The following GJA5 variants were observed in gnomAD, a reference collection of about 807,000 sequenced individuals.
GJA5 encodes the protein gap junction protein alpha 5.
In GJA5, 3 loss-of-function variants were observed where a neutral mutation model predicts 7.9. That is an observed-to-expected ratio of 0.38 (90% CI 0.17 to 0.99). GJA5 has a LOEUF of 0.99. Among genes scored for constraint, GJA5 ranks in the 50% least tolerant of loss-of-function variants. The pLI is 0.38. For missense variants in GJA5, 390 were observed against 457.9 expected (o/e 0.85, Z 1.35); for synonymous variants, 193 against 181.0 (o/e 1.07, Z -0.53).
rs990596368 is a variant in GJA5, at chr1:147,757,926, C to A, written c.*236G>T. On this transcript the variant is annotated 3_prime_UTR_variant, in exon 2 of 2. Coordinates refer to ENST00000579774, the MANE Select transcript of GJA5 (RefSeq NM_181703.4). ...GTTTCATGAGTAATCTGAAAGGCTT[C>A]GTATACTGGGTAGAGGGTGGGGAGG... The A allele has an allele frequency of 3.5e-6, 2 of 565,918 alleles. No homozygotes were observed. Among genetic ancestry groups the A allele is most frequent in the Non-Finnish European group, 6.3e-6 (2 of 316,764 alleles). The allele number at this position is 565,918 out of a possible 1,614,324, so 35.1% of individuals were successfully genotyped here.
rs1282767556 is a variant in GJA5 at position 147,757,055 on chromosome 1, CAGTCAGCAAAGGA to C, written c.*1094_*1106del. ...ACACCTCCTCTTGGCACTAAGTTGGCAGTCAGCAAAGGAAGTAAATAGGAGGGGAAAATAGTTT... is the reference window on the plus strand; with the variant it reads ...ACACCTCCTCTTGGCACTAAGTTGGCAGTAAATAGGAGGGGAAAATAGTTT... On this transcript the variant is annotated 3_prime_UTR_variant, in exon 2 of 2. Coordinates refer to ENST00000579774, the MANE Select transcript of GJA5 (RefSeq NM_181703.4). 1 of 152,208 alleles carries C rather than the reference CAGTCAGCAAAGGA, an allele frequency of 6.6e-6. No homozygotes were observed. The highest frequency in any genetic ancestry group is 1.5e-5 in the Non-Finnish European group (1 of 68,046). The allele number at this position is 152,208 out of a possible 1,614,324, so 9.4% of individuals were successfully genotyped here. A position where few individuals can be genotyped will look rare whatever the true frequency, so the allele number is the denominator to read the frequency against.
In GJA5 at chr1:147,758,460, C is replaced by T; in HGVS notation, c.779G>A (p.Ser260Asn). Residue 260 changes from serine (S) to asparagine (N), a missense_variant, in exon 2 of 2, where the codon AGC (serine) becomes AAC (asparagine). Ser to Asn is a conservative substitution (Grantham distance 46). This residue lies in a region of GJA5 where 354 missense variants were observed against 370.9 expected (regional missense o/e 0.95). Coordinates refer to ENST00000579774, the MANE Select transcript of GJA5 (RefSeq NM_181703.4). ...ATTAAAGTCGGGGGGTGGTGTGCAG[C>T]TCTGGACTATGCCCACAGAGGGGCC... ...LSGPSVGIVQ[S>N]CTPPPDFNQC... The T allele has an allele frequency of 6.2e-7, 1 of 1,614,218 alleles. No homozygotes were observed. The highest frequency in any genetic ancestry group is 2.2e-5 in the East Asian group (1 of 44,874).
At position 147,769,613 on chromosome 1, in the gene GJA5, G is replaced by C. The variant is rs368458007; in HGVS notation, c.-34+3639C>G. Among the ~76,000 whole-genome samples, 13 of 152,248 alleles carry C rather than the reference G, an allele frequency of 8.5e-5. No individual in the cohort carries two copies. The South Asian group carries it at 2.7e-3, about 32-fold the overall frequency. On this transcript the variant is annotated intron_variant, in intron 1 of 1. Coordinates refer to the GJA5 transcript ENST00000430508. ...TGATCCAACTAGCCAACTTGATGCA[G>C]AATCTGATAGTGCTTCAGGCTGGTT... is the stretch of plus-strand genomic sequence containing the variant.
intron 1 of GJA5, among the ~76,000 whole-genome samples, chr1:147,768,513 A>G (rs1387048423): frequency 6.6e-6 from 1 of 152,226 alleles, no homozygotes; most frequent in African/African-American, 2.4e-5. Flanking sequence ...TACCCATGCA[A>G]TTAATTACTA....
At position 147,758,261 on chromosome 1, in the gene GJA5, TC is replaced by T; in HGVS notation, c.977del (p.Gly326GlufsTer58). The T allele has an allele frequency of 6.2e-7, 1 of 1,614,056 alleles. No individual in the cohort carries two copies. Among genetic ancestry groups the T allele is most frequent in the Non-Finnish European group, 8.5e-7 (1 of 1,179,956 alleles). The part of the protein sequence containing the change: ...RYGQKPEVPN[G>X]VSPGHRLPHG... ...GGGGAAGGCGGTGACCTGGTGAGAC[TC>T]CATTGGGCACCTCAGGCTTCTGGCC... On this transcript the variant is annotated frameshift_variant, in exon 2 of 2. Coordinates refer to ENST00000579774, the MANE Select transcript of GJA5 (RefSeq NM_181703.4). LOFTEE classifies it high-confidence loss of function.
At chr1:147,770,978 A>G (rs1206823055) in intron 1 of GJA5, among the ~76,000 whole-genome samples, 1 of 152,090 alleles carries the variant, frequency 6.6e-6, no homozygotes, top group African/African-American at 2.4e-5. Flanking sequence ...GTTGGTGCTT[A>G]TGGGAGTTCA....
At chr1:147,759,588 G>T (rs1300778841) in intron 1 of GJA5, among the ~76,000 whole-genome samples, 4 of 152,188 alleles carry the variant, frequency 2.6e-5, no homozygotes, top group Non-Finnish European at 5.9e-5. Context: ...AGGAGGTCTG[G>T]GATGGCCCCC....
upstream of GJA5, among the ~76,000 whole-genome samples, chr1:147,761,608 T>C (rs1280308096): frequency 1.3e-5 from 2 of 152,224 alleles, no homozygotes; most frequent in East Asian, 3.9e-4. Flanking sequence ...TGATCAGACA[T>C]CTGCCCCATT....
chr1:147,762,551 A>G (rs1233127955), upstream of GJA5, among the ~76,000 whole-genome samples: 1 of 152,238 alleles, frequency 6.6e-6, no homozygotes, highest in Non-Finnish European at 1.5e-5. Flanking sequence ...AGTATTAGGA[A>G]GGATATCTTA....
upstream of GJA5, among the ~76,000 whole-genome samples, chr1:147,762,335 T>C (rs1664048069): frequency 6.6e-6 from 1 of 152,196 alleles, no homozygotes. Flanking sequence ...CCCTGAAGAC[T>C]TCTCCCTTGA....
At position 147,758,870 on chromosome 1, in the gene GJA5, G is replaced by C; in HGVS notation, c.369C>G (p.Tyr123Ter). Residue 123 changes from tyrosine to a stop codon, truncating the protein, a stop_gained, in exon 2 of 2, where the codon TAC becomes TAG. Transcript: ENST00000579774. LOFTEE classifies it low-confidence loss of function (END_TRUNC). ...RAKEVRGSGS[Y>*]EYPVAEKAEL... is the part of the protein sequence containing the mutation. ...CTGCCTTCTCTGCCACCGGGTACTC[G>C]TAAGAGCCAGAGCCCCGGACCTCTT... 6.2e-7 allele frequency: 1 copy of C among 1,614,156 alleles called. No homozygotes were observed. The highest frequency in any genetic ancestry group is 8.5e-7 in the Non-Finnish European group (1 of 1,180,012).
chr1:147,763,160 T>G (rs1462340735), upstream of GJA5, among the ~76,000 whole-genome samples: 2 of 152,248 alleles, frequency 1.3e-5, no homozygotes, highest in Admixed American at 6.5e-5. Context: ...TATCTTGGCT[T>G]CTTATGTTCC....
chr1:147,766,327 GATAGCATTT>G, intron 1 of GJA5, among the ~76,000 whole-genome samples: 1 of 152,150 alleles, frequency 6.6e-6, no homozygotes, highest in East Asian at 1.9e-4. Flanking sequence ...TGGATGAATT[GATAGCATTT>G]AGGTCTCTCA....
Position 147,756,559 on chromosome 1 carries a change from C to T in GJA5, c.*1603G>A, listed in dbSNP as rs587705904. Reference sequence around the variant, plus strand: ...AACCTCCTTCTGAGCCTTTACCCTCCTCTGTCCCAACCTCTTGTGGCTATC... The same window carrying T: ...AACCTCCTTCTGAGCCTTTACCCTCTTCTGTCCCAACCTCTTGTGGCTATC... On this transcript the variant is annotated 3_prime_UTR_variant, in exon 2 of 2. Transcript: ENST00000579774. 1.2e-4 allele frequency: 18 copies of T among 152,278 alleles called. No homozygotes were observed. In the East Asian group the frequency reaches 2.9e-3, roughly 24 times the overall value. 9.4% of individuals were successfully genotyped at this position (152,278 alleles called of 1,614,324 possible).
intron 1 of GJA5, among the ~76,000 whole-genome samples, chr1:147,771,226 C>T (rs888386776): frequency 1.1e-4 from 16 of 151,952 alleles, no homozygotes; most frequent in African/African-American, 3.4e-4. Flanking sequence ...CCAGTGTAGA[C>T]GATGAAGAGC....
rs2148958937 is a variant in GJA5, at chr1:147,758,474, C to G, written c.765G>C (p.Val255=). 1 of 1,614,164 alleles carries G rather than the reference C, an allele frequency of 6.2e-7. No individual in the cohort carries two copies. The highest frequency in any genetic ancestry group is 1.6e-4 in the Middle Eastern group (1 of 6,062). The change falls in exon 2 of 2, where the codon GTG becomes GTC. Residue 255 remains valine (V), a synonymous_variant. Coordinates refer to ENST00000579774, the MANE Select transcript of GJA5 (RefSeq NM_181703.4). The stretch of plus-strand genomic sequence containing the variant: ...GTGGTGTGCAGCTCTGGACTATGCC[C>G]ACAGAGGGGCCAGAAAGCTGGCACT... ...MAKCQLSGPS[V]GIVQSCTPPP... is the part of the protein sequence containing the mutation.
intron 1 of GJA5, among the ~76,000 whole-genome samples, chr1:147,760,277 T>G (rs1663948849): frequency 6.6e-6 from 1 of 152,234 alleles, no homozygotes; most frequent in Admixed American, 6.5e-5. Context: ...CTGGCCTTTG[T>G]CTGCTTTTCC....
rs1416009928 is a variant in GJA5, at chr1:147,756,558, CCT to C, written c.*1602_*1603del. ...GAACCTCCTTCTGAGCCTTTACCCT[CCT>C]CTGTCCCAACCTCTTGTGGCTATCT... On this transcript the variant is annotated 3_prime_UTR_variant, in exon 2 of 2. Transcript: ENST00000579774. The C allele has an allele frequency of 4.6e-5, 7 of 152,190 alleles. No individual in the cohort carries two copies. Among genetic ancestry groups the C allele is most frequent in the Non-Finnish European group, 1.0e-4 (7 of 68,058 alleles). The allele number at this position is 152,190 out of a possible 1,614,324, so 9.4% of individuals were successfully genotyped here. A position where few individuals can be genotyped will look rare whatever the true frequency, so the allele number is the denominator to read the frequency against.
At position 147,758,883 on chromosome 1, in the gene GJA5, C is replaced by T. The variant is rs1663860097; in HGVS notation, c.356G>A (p.Gly119Asp). The T allele has an allele frequency of 3.1e-6, 5 of 1,614,222 alleles. No homozygotes were observed. The highest frequency in any genetic ancestry group is 4.2e-6 in the Non-Finnish European group (5 of 1,180,026). ...REAERAKEVR[G>D]SGSYEYPVAE... ...CACCGGGTACTCGTAAGAGCCAGAG[C>T]CCCGGACCTCTTTGGCCCTCTCGGC... Residue 119 changes from glycine (G) to aspartate (D), a missense_variant, in exon 2 of 2, where the codon GGC (glycine) becomes GAC (aspartate). Around this residue, in one of 2 missense-constraint regions of GJA5, gnomAD observed 354 missense variants for 370.9 expected, o/e 0.95. Coordinates refer to ENST00000579774, the MANE Select transcript of GJA5 (RefSeq NM_181703.4).
Sources: allele counts gnomAD v4.1 joint callset (sites outside exome capture counted in the v4.1 genomes callset), GRCh38; gene constraint gnomAD v4.1.1; regional missense constraint gnomAD v4.1.1; transcripts MANE v1.5; gene names NCBI Gene and HGNC (gene_info 2026-07-23, HGNC 2026-07-21).